Variants in AGK observed in about 807,000 individuals in gnomAD.
The protein encoded by AGK is acylglycerol kinase.
A neutral mutation model predicts 66.4 loss-of-function variants in AGK; 52 were observed. The ratio of observed to expected loss-of-function variants is 0.78; its 90% CI spans 0.63 to 0.99. The LOEUF (loss-of-function observed/expected upper bound fraction) is 0.99, where lower values mean the gene tolerates loss of function less well. AGK is among the 50% of genes least tolerant of loss of function. The pLI is 0.00. For synonymous variants in AGK, 182 were observed against 181.1 expected (o/e 1.00, Z -0.04); for missense variants, 451 against 506.6 (o/e 0.89, Z 1.05).
rs752212765 is a variant in AGK at position 141,649,266 on chromosome 7, AAAG to A, written c.984_986del (p.Glu328del). On this transcript the variant is annotated inframe_deletion, in exon 14 of 16. Coordinates refer to ENST00000649286, the MANE Select transcript of AGK (RefSeq NM_018238.4). ...TTAGTGTTCTTAACCTTTTTAGAGC[AAAG>A]AAGATTTTCTGAATATCTGCATTGA... The A allele has an allele frequency of 7.4e-6, 12 of 1,613,042 alleles. No individual in the cohort carries two copies. The South Asian group carries it at 8.8e-5, about 12-fold the overall frequency.
At chr7:141,561,488 A>AT (rs1246027359) in intron 2 of AGK, among the ~76,000 whole-genome samples, 3 of 144,948 alleles carry the variant, frequency 2.1e-5, no homozygotes, top group Admixed American at 6.7e-5. Context: ...GTATCTCATT[A>AT]TTTTTTTTAA....
intron 1 of AGK, among the ~76,000 whole-genome samples, chr7:141,554,777 T>C (rs1417062906): frequency 1.3e-5 from 2 of 152,220 alleles, no homozygotes; most frequent in African/African-American, 4.8e-5. Flanking sequence ...TTACCTTCTT[T>C]AAAGGAGTGT....
rs1796276129 is a variant in AGK, at chr7:141,598,619, A to C, written c.221+1978A>C. Among the ~76,000 whole-genome samples, 1 of 152,196 alleles carries C rather than the reference A, an allele frequency of 6.6e-6. No individual in the cohort carries two copies. Among genetic ancestry groups the C allele is most frequent in the Admixed American group, 6.5e-5 (1 of 15,286 alleles). On this transcript the variant is annotated intron_variant, in intron 4 of 15. Coordinates refer to ENST00000649286, the MANE Select transcript of AGK (RefSeq NM_018238.4). The surrounding 1 kb of genome is among the most constrained non-coding windows in gnomAD (Gnocchi z 4.2). ...ATAATGCTTATTAGGCACTATTTCC[A>C]TTTCATAATAAGCACACAATGTAAG...
intron 2 of AGK, among the ~76,000 whole-genome samples, chr7:141,584,732 T>G (rs968450602): frequency 6.6e-6 from 1 of 152,218 alleles, no homozygotes; most frequent in African/African-American, 2.4e-5. Context: ...GATAGTAGAA[T>G]TTTTAGCTGT....
chr7:141,644,217 T>G (rs981250770), intron 13 of AGK, among the ~76,000 whole-genome samples: 1 of 152,204 alleles, frequency 6.6e-6, no homozygotes, highest in African/African-American at 2.4e-5. Context: ...ATTCATGTTC[T>G]TTACCATTGT....
intron 5 of AGK, among the ~76,000 whole-genome samples, chr7:141,609,205 C>CAATTCAATTCAATTTGATGG (rs1274436347): frequency 1.3e-5 from 2 of 152,140 alleles, no homozygotes; most frequent in Non-Finnish European, 2.9e-5. Context: ...GGATGTCCAA[C>CAATTCAATTCAATTTGATGG]AATTCAATTC....
intron 2 of AGK, among the ~76,000 whole-genome samples, chr7:141,571,332 A>G (rs897876715): frequency 1.3e-5 from 2 of 152,226 alleles, no homozygotes; most frequent in African/African-American, 4.8e-5. Flanking sequence ...GTCCCGCAGC[A>G]TAAGCATCTC....
chr7:141,595,493 A>G (rs867750724), intron 3 of AGK, among the ~76,000 whole-genome samples: 38 of 152,204 alleles, frequency 2.5e-4, no homozygotes, highest in African/African-American at 8.9e-4. Context: ...TTTTAAAGCA[A>G]GCAATAGACA....
At chr7:141,644,094 TAA>T (rs11320468) in intron 13 of AGK, among the ~76,000 whole-genome samples, 56 of 147,400 alleles carry the variant, frequency 3.8e-4, no homozygotes, top group Admixed American at 6.1e-4. Context: ...ATGTGAATGC[TAA>T]AAAAAAAAAA....
Position 141,641,423 on chromosome 7 carries a change from T to C in AGK, c.877+25T>C, listed in dbSNP as rs187997365. 5.6e-6 allele frequency: 9 copies of C among 1,601,980 alleles called. No homozygotes were observed. The Admixed American group carries it at 1.0e-4, about 19-fold the overall frequency. On this transcript the variant is annotated intron_variant, in intron 12 of 15. Transcript: ENST00000649286. ...GGTGAGCAATGTGGCGACTAAAGAT[T>C]GGAGGGCCCTGGTCAGTTTAGAAGT...
At chr7:141,588,532 C>T (rs1317748054) in intron 2 of AGK, among the ~76,000 whole-genome samples, 2 of 151,946 alleles carry the variant, frequency 1.3e-5, no homozygotes, top group African/African-American at 4.8e-5. Context: ...AGGAGAATCA[C>T]TTGAACCCGG....
intron 6 of AGK, among the ~76,000 whole-genome samples, chr7:141,611,595 T>C (rs1796591006): frequency 6.6e-6 from 1 of 152,188 alleles, no homozygotes; most frequent in Admixed American, 6.5e-5. Flanking sequence ...TGAAGACTCT[T>C]ATGAAGTAGC....
At chr7:141,643,907 C>T (rs1797345796) in intron 13 of AGK, among the ~76,000 whole-genome samples, 1 of 152,086 alleles carries the variant, frequency 6.6e-6, no homozygotes, top group Admixed American at 6.5e-5. Context: ...TAGATTGGAA[C>T]ATCCTGTCTC....
At chr7:141,601,142 G>C in intron 4 of AGK, 63 bp from the exon 5 acceptor site, 2 of 1,248,710 alleles carry the variant, frequency 1.6e-6, no homozygotes, top group Non-Finnish European at 1.2e-6. Flanking sequence ...AGATTGTAAG[G>C]CTTTTTGTTC....
chr7:141,585,095 A>G lies in AGK; in HGVS notation c.102-8051A>G, dbSNP rs528655371. Among the ~76,000 whole-genome samples the G allele has an allele frequency of 3.9e-5, 6 of 152,332 alleles. No homozygotes were observed. In the East Asian group the frequency reaches 1.2e-3, roughly 29 times the overall value. ...AGGCCCTAAAATCCTTTTAAAAATC[A>G]TTAACATTTTCATTGTTCCCTTGGC... is the stretch of plus-strand genomic sequence containing the variant. On this transcript the variant is annotated intron_variant, in intron 2 of 15. Coordinates refer to ENST00000649286, the MANE Select transcript of AGK (RefSeq NM_018238.4).
At chr7:141,588,599 G>A (rs963244535) in intron 2 of AGK, among the ~76,000 whole-genome samples, 1 of 151,466 alleles carries the variant, frequency 6.6e-6, no homozygotes, top group Non-Finnish European at 1.5e-5. Context: ...CTGGGGGACA[G>A]AGTGATACTT....
chr7:141,569,239 C>A (rs1003331359), intron 2 of AGK, among the ~76,000 whole-genome samples: 1 of 152,094 alleles, frequency 6.6e-6, no homozygotes. Context: ...GAACGTACTA[C>A]TAATAATAAT....
intron 2 of AGK, among the ~76,000 whole-genome samples, chr7:141,561,015 G>A (rs1335717381): frequency 3.3e-5 from 5 of 152,006 alleles, no homozygotes; most frequent in Non-Finnish European, 2.9e-5. Context: ...GGATGGTCTC[G>A]ATCTCCTGAC....
intron 3 of AGK, among the ~76,000 whole-genome samples, chr7:141,594,484 C>T (rs1263411946): frequency 6.6e-6 from 1 of 152,088 alleles, no homozygotes; most frequent in East Asian, 1.9e-4. Context: ...AGCCACCACA[C>T]CTGGCCCCTT....
Sources: allele counts gnomAD v4.1 joint callset (sites outside exome capture counted in the v4.1 genomes callset), GRCh38; gene constraint gnomAD v4.1.1; non-coding constraint Gnocchi (gnomAD v3.1); transcripts MANE v1.5; gene names NCBI Gene and HGNC (gene_info 2026-07-23, HGNC 2026-07-21).